The following AK9 variants were observed in gnomAD, a reference collection of about 807,000 sequenced individuals.
The protein encoded by AK9 is adenylate kinase 9.
A neutral mutation model predicts 239.6 loss-of-function variants in AK9; 191 were observed. That is an observed-to-expected ratio of 0.80 (90% confidence interval 0.71 to 0.90). The LOEUF is 0.90. Ranked by LOEUF, AK9 falls within the 40% of genes least tolerant of loss-of-function variation. The pLI, the probability that AK9 is intolerant of heterozygous loss-of-function variation, is 0.00. For missense variants in AK9, 1,995 were observed against 2,214.7 expected, an observed-to-expected ratio of 0.90 and a Z score of 1.99; for synonymous variants, 689 against 721.0, an observed-to-expected ratio of 0.96 and a Z score of 0.71.
At chr6:109,517,652 C>T (rs1167163638) in intron 29 of AK9, among the ~76,000 whole-genome samples, 2 of 152,126 alleles carry the variant, frequency 1.3e-5, no homozygotes, top group African/African-American at 4.8e-5. Flanking sequence ...TTATTATGCT[C>T]TTATAGCTAT....
At chr6:109,619,048 T>A (rs1794519717) in intron 13 of AK9, 44 bp downstream of exon 13, 2 of 1,511,006 alleles carry the variant, frequency 1.3e-6, no homozygotes, top group Non-Finnish European at 1.8e-6. Context: ...CCCGGCTTAA[T>A]TTTTACCTAA....
At chr6:109,616,590 T>C (rs2128244806) in intron 13 of AK9, among the ~76,000 whole-genome samples, 1 of 152,172 alleles carries the variant, frequency 6.6e-6, no homozygotes, top group Middle Eastern at 3.4e-3. Flanking sequence ...TTGCCCAGGC[T>C]GATCTTGAAC....
At chr6:109,646,232 C>T (rs143098325) in intron 8 of AK9, among the ~76,000 whole-genome samples, 218 of 152,222 alleles carry the variant, frequency 1.4e-3, no homozygotes, top group African/African-American at 3.3e-3. Context: ...GAAAGCTGGA[C>T]GGAGAATGAC....
At chr6:109,536,651 G>A (rs1203178959) in intron 27 of AK9, among the ~76,000 whole-genome samples, 1 of 152,204 alleles carries the variant, frequency 6.6e-6, no homozygotes, top group Non-Finnish European at 1.5e-5. Context: ...TTGAATAGGA[G>A]TGGTGAGAGA....
intron 10 of AK9, among the ~76,000 whole-genome samples, chr6:109,638,040 T>C (rs1184882017): frequency 6.6e-6 from 1 of 152,150 alleles, no homozygotes; most frequent in African/African-American, 2.4e-5. Context: ...AAATGCTGCT[T>C]AAGGGATATG....
rs973259623 is a variant in AK9, at chr6:109,545,870, C to T, written c.3222G>A (p.Lys1074=). The change falls in exon 26 of 41, where the codon AAG becomes AAA. Residue 1074 remains lysine (K), a synonymous_variant. Transcript: ENST00000424296. ...NVKVEEENTK[K]QLPEVQLTEE... is the part of the protein sequence containing the mutation. ...AAACAAAAAAAGAGATTACTACCTGCTTTTTTGTATTTTCTTCCTCAACTT... is the reference window on the plus strand; with the variant it reads ...AAACAAAAAAAGAGATTACTACCTGTTTTTTTGTATTTTCTTCCTCAACTT... 8 of 1,589,238 alleles carry T rather than the reference C, an allele frequency of 5.0e-6. No individual in the cohort carries two copies. In the South Asian group the frequency reaches 5.8e-5, roughly 12 times the overall value.
rs577321245 is a variant in AK9, at chr6:109,498,667, T to G, written c.5046+377A>C. 1.6e-4 allele frequency among the ~76,000 whole-genome samples: 25 copies of G among 152,368 alleles called. No individual in the cohort carries two copies. In the East Asian group the frequency reaches 2.9e-3, roughly 18 times the overall value. ...TAAAGCAAAGGAGACATACGTCAGCTCTTGCTTCATTTCTACTGACTCTGA... is the reference window on the plus strand; with the variant it reads ...TAAAGCAAAGGAGACATACGTCAGCGCTTGCTTCATTTCTACTGACTCTGA... On this transcript the variant is annotated intron_variant, in intron 36 of 40. Transcript: ENST00000424296.
chr6:109,588,224 C>A (rs1445298779), intron 17 of AK9, among the ~76,000 whole-genome samples: 1 of 152,100 alleles, frequency 6.6e-6, no homozygotes, highest in Non-Finnish European at 1.5e-5. Context: ...GCATGCGCCA[C>A]CATGCCTGGC....
chr6:109,672,027 C>T lies in AK9; in HGVS notation c.235-12G>A. 2 of 1,613,254 alleles carry T rather than the reference C, an allele frequency of 1.2e-6. No homozygotes were observed. The highest frequency in any genetic ancestry group is 2.2e-5 in the South Asian group (2 of 91,046). ...AACATTGATTGCAACTAAGGACAAG[C>T]ATAGATATTGTACATTACTGTATAA... is the stretch of plus-strand genomic sequence containing the variant. On this transcript the variant is annotated splice_polypyrimidine_tract_variant and intron_variant, in intron 4 of 40. Transcript: ENST00000424296.
At chr6:109,623,114 T>G (rs548086856) in intron 12 of AK9, among the ~76,000 whole-genome samples, 60 of 148,190 alleles carry the variant, frequency 4.0e-4, no homozygotes, top group Non-Finnish European at 6.6e-4. Flanking sequence ...GCCTGTTTGA[T>G]TTTTTTTTCC....
At chr6:109,597,623 A>C (rs571694350) in intron 17 of AK9, among the ~76,000 whole-genome samples, 1 of 152,214 alleles carries the variant, frequency 6.6e-6, no homozygotes, top group South Asian at 2.1e-4. Context: ...CAGTGAGCCG[A>C]GATGGCGCCA....
intron 5 of AK9, among the ~76,000 whole-genome samples, chr6:109,664,185 T>C (rs1439593338): frequency 6.6e-6 from 1 of 152,210 alleles, no homozygotes; most frequent in Non-Finnish European, 1.5e-5. Flanking sequence ...ATATGGTAAA[T>C]ATAAATACAT....
At chr6:109,640,109 T>C (rs1023036859) in intron 10 of AK9, among the ~76,000 whole-genome samples, 2 of 152,188 alleles carry the variant, frequency 1.3e-5, no homozygotes, top group Admixed American at 6.5e-5. Flanking sequence ...TCTTTTTGCT[T>C]AGGATTGCCT....
intron 26 of AK9, 49 bp from the exon 27 acceptor site, chr6:109,542,220 A>G: frequency 6.6e-7 from 1 of 1,504,552 alleles, no homozygotes; most frequent in Non-Finnish European, 9.0e-7. Context: ...CTCTATGCTA[A>G]TAATTGCATG....
chr6:109,516,152 C>CCAGCAG, intron 30 of AK9, 77 bp from the exon 31 acceptor site: 1 of 1,208,638 alleles, frequency 8.3e-7, no homozygotes, highest in Middle Eastern at 2.7e-4. Flanking sequence ...CATGTAGACA[C>CCAGCAG]TGCTGGTGAC....
chr6:109,523,802 G>A (rs145382632), intron 29 of AK9, among the ~76,000 whole-genome samples: 39 of 152,216 alleles, frequency 2.6e-4, no homozygotes, highest in African/African-American at 7.7e-4. Flanking sequence ...ACATATGGGC[G>A]GTTCAAGAAC....
At chr6:109,535,085 T>C (rs908744485) in intron 27 of AK9, among the ~76,000 whole-genome samples, 16 of 152,232 alleles carry the variant, frequency 1.1e-4, no homozygotes, top group African/African-American at 3.9e-4. Context: ...TGTGGCATTA[T>C]AGCAGCATGA....
chr6:109,657,991 A>G (rs573075611), intron 7 of AK9, among the ~76,000 whole-genome samples: 1 of 152,202 alleles, frequency 6.6e-6, no homozygotes, highest in Admixed American at 6.5e-5. Context: ...AAGCCATTTT[A>G]TAACCTGTTT....
Position 109,598,819 on chromosome 6 carries a change from G to A in AK9, c.1842+11546C>T, listed in dbSNP as rs573035838. Among the ~76,000 whole-genome samples, 215 of 152,318 alleles carry A rather than the reference G, an allele frequency of 1.4e-3. 1 individual carries two copies. Among genetic ancestry groups the A allele is most frequent in the African/African-American group, 4.6e-3 (193 of 41,550 alleles). ...TGGTTTTGATTTGCATTTCTCTGATGGCCAGTGATGATGAGCAGTTTTTCA... is the reference window on the plus strand; with the variant it reads ...TGGTTTTGATTTGCATTTCTCTGATAGCCAGTGATGATGAGCAGTTTTTCA... On this transcript the variant is annotated intron_variant, in intron 17 of 40. Transcript: ENST00000424296.
Sources: gnomAD v4.1 joint callset for allele counts (sites outside exome capture counted in the v4.1 genomes callset) on GRCh38, gnomAD v4.1.1 for gene constraint, MANE v1.5 for transcripts, NCBI Gene and HGNC (gene_info 2026-07-23, HGNC 2026-07-21) for gene names.